Variants in SEMA6A observed in about 807,000 individuals in gnomAD.
SEMA6A encodes the protein semaphorin-6A.
Under a neutral mutation model 96.8 loss-of-function variants are expected in SEMA6A, and 25 were observed. The observed-to-expected ratio is 0.26, with a 90% CI of 0.19 to 0.36. The LOEUF (loss-of-function observed/expected upper bound fraction) is 0.36, where lower values mean the gene tolerates loss of function less well. SEMA6A is among the 10% of genes least tolerant of loss of function. The probability of loss-of-function intolerance (pLI) is 1.00; values close to 1 mark genes in which losing one functional copy is unlikely to be tolerated. For missense variants in SEMA6A, 1,363 were observed against 1,323.1 expected (o/e 1.03, Z -0.47); for synonymous variants, 612 against 518.0 (o/e 1.18, Z -2.46).
At chr5:116,498,925 C>T (rs986080249) in intron 3 of SEMA6A, 1 of 152,168 alleles carries the variant, frequency 6.6e-6, no homozygotes, top group Non-Finnish European at 1.5e-5. Context: ...AGAAAGCTCT[C>T]AGATTGCCCC....
At chr5:116,558,116 G>C (rs184844128) in intron 1 of SEMA6A, among the ~76,000 whole-genome samples, 57 of 152,210 alleles carry the variant, frequency 3.7e-4, no homozygotes, top group Admixed American at 3.5e-3. Context: ...TATTCAGTTT[G>C]TTAAAGCCCC....
At chr5:116,521,263 A>T (rs1301240446) in intron 1 of SEMA6A, among the ~76,000 whole-genome samples, 1 of 152,234 alleles carries the variant, frequency 6.6e-6, no homozygotes, top group Non-Finnish European at 1.5e-5. Flanking sequence ...ACTGTCAAGC[A>T]CTGGCTTGTT....
chr5:116,561,794 C>T (rs933832525), intron 1 of SEMA6A, among the ~76,000 whole-genome samples: 1 of 152,060 alleles, frequency 6.6e-6, no homozygotes, highest in Non-Finnish European at 1.5e-5. Flanking sequence ...TTTGACACAA[C>T]AAAATATGAA....
chr5:116,496,188 TG>T, intron 5 of SEMA6A, 62 bp downstream of exon 5: 1 of 1,339,778 alleles, frequency 7.5e-7, no homozygotes, highest in Non-Finnish European at 1.1e-6. Flanking sequence ...GGTCTATGGC[TG>T]GAGATAACAG....
chr5:116,480,817 T>G (rs2278261), intron 11 of SEMA6A, among the ~76,000 whole-genome samples: 23,906 of 152,212 alleles, frequency 0.16, 2,010 homozygotes, highest in East Asian at 0.23. Context: ...GTTGTTTTTA[T>G]TTTTGTTTGA....
At chr5:116,455,142 A>G (rs1754928297) in intron 18 of SEMA6A, among the ~76,000 whole-genome samples, 1 of 152,248 alleles carries the variant, frequency 6.6e-6, no homozygotes. Context: ...TTTTTTAGAG[A>G]AGAAACAGCT....
chr5:116,467,475 T>C (rs1755831533), intron 18 of SEMA6A, 108 bp downstream of exon 18: 19 of 1,085,280 alleles, frequency 1.8e-5, no homozygotes, highest in Non-Finnish European at 2.3e-5. Context: ...TCATAGCGCA[T>C]TGGAGGTTCC....
At chr5:116,522,488 T>G (rs1759003999) in intron 1 of SEMA6A, among the ~76,000 whole-genome samples, 1 of 152,180 alleles carries the variant, frequency 6.6e-6, no homozygotes, top group Admixed American at 6.5e-5. Flanking sequence ...ATAATTCTAG[T>G]CGATCTGTGA....
intron 2 of SEMA6A, among the ~76,000 whole-genome samples, chr5:116,503,804 C>G (rs1391295578): frequency 6.6e-6 from 1 of 152,084 alleles, no homozygotes; most frequent in Non-Finnish European, 1.5e-5. Flanking sequence ...CGTAAGCCAC[C>G]GCGCCCTGCC....
intron 1 of SEMA6A, among the ~76,000 whole-genome samples, chr5:116,563,605 A>G (rs1467501844): frequency 6.6e-6 from 1 of 152,196 alleles, no homozygotes; most frequent in African/African-American, 2.4e-5. Context: ...ATCTACACAA[A>G]AAGTACTTTT....
chr5:116,488,119 T>C lies in SEMA6A; in HGVS notation c.733A>G (p.Thr245Ala). The C allele has an allele frequency of 6.2e-7, 1 of 1,606,666 alleles. No homozygotes were observed. ...GCATCCCCTCTTACCTTTCCCATGG[T>C]GTTATACTCCACTGCTATTTCCCTG... ...FFREIAVEYN[T>A]MGKVVFPRVA... The change falls in exon 9 of 19, where the codon ACC becomes GCC. Residue 245 changes from threonine to alanine, a missense_variant. Around this residue, in one of 2 missense-constraint regions of SEMA6A, gnomAD observed 480 missense variants for 559.5 expected, o/e 0.86. Transcript: ENST00000343348.
rs73781647 is a variant in SEMA6A, at chr5:116,522,413, A to G, written c.-38-17431T>C. Among the ~76,000 whole-genome samples, 1,110 of 152,320 alleles carry G rather than the reference A, an allele frequency of 7.3e-3. 13 individuals carry two copies. Among genetic ancestry groups the G allele is most frequent in the African/African-American group, 0.025 (1,036 of 41,578 alleles). On this transcript the variant is annotated intron_variant, in intron 1 of 18. Coordinates refer to ENST00000343348, the MANE Select transcript of SEMA6A (RefSeq NM_020796.5). ...CGTCTCTTCGCAGTATGGTCAGCCA[A>G]TAGAAATATTCTGGAATACAGGATG...
At chr5:116,533,688 G>T (rs1433718592) in intron 1 of SEMA6A, among the ~76,000 whole-genome samples, 2 of 152,168 alleles carry the variant, frequency 1.3e-5, no homozygotes, top group Non-Finnish European at 2.9e-5. Context: ...GCACCTCTCA[G>T]TATCCTGAGG....
intron 17 of SEMA6A, chr5:116,472,761 A>G: frequency 1.6e-6 from 1 of 640,760 alleles, no homozygotes; most frequent in South Asian, 2.6e-5. Context: ...AAATAATTTT[A>G]GTGAATTGGG....
intron 1 of SEMA6A, chr5:116,562,545 G>A (rs949686702): frequency 2.7e-5 from 15 of 564,976 alleles, no homozygotes; most frequent in Non-Finnish European, 5.1e-5. Context: ...TGTGGAGTCT[G>A]GAGACAACGT....
chr5:116,480,174 C>T lies in SEMA6A; in HGVS notation c.1198G>A (p.Glu400Lys). 2 of 1,613,862 alleles carry T rather than the reference C, an allele frequency of 1.2e-6. No homozygotes were observed. Among genetic ancestry groups the T allele is most frequent in the Non-Finnish European group, 1.7e-6 (2 of 1,179,810 alleles). The change falls in exon 12 of 19, where the codon GAG (glutamate) becomes AAG (lysine). Residue 400 changes from glutamate to lysine, a missense_variant. Glu to Lys is a moderately conservative substitution (Grantham distance 56). Transcript: ENST00000343348. ...NFIKTHPLMD[E>K]AVPSIFNRPW... is the part of the protein sequence containing the mutation. Reference sequence around the variant, plus strand: ...CTGTTGAAGATGGAGGGCACTGCCTCATCCATGAGCGGGTGCGTCTTGATG... The same window carrying T: ...CTGTTGAAGATGGAGGGCACTGCCTTATCCATGAGCGGGTGCGTCTTGATG...
intron 11 of SEMA6A, among the ~76,000 whole-genome samples, chr5:116,481,595 G>C (rs564095166): frequency 6.6e-6 from 1 of 152,172 alleles, no homozygotes; most frequent in African/African-American, 2.4e-5. Context: ...AAAAAAATTA[G>C]TAAGACATTG....
At chr5:116,519,693 G>GCACA (rs1290299020) in intron 1 of SEMA6A, among the ~76,000 whole-genome samples, 1 of 123,072 alleles carries the variant, frequency 8.1e-6, no homozygotes, top group Non-Finnish European at 1.6e-5. Context: ...ACACACACAC[G>GCACA]CACACACATA....
chr5:116,518,812 G>C (rs1362329369), intron 1 of SEMA6A, among the ~76,000 whole-genome samples: 1 of 152,238 alleles, frequency 6.6e-6, no homozygotes, highest in Admixed American at 6.5e-5. Flanking sequence ...AGGATTTCAA[G>C]TTCTGAGCAA....
Sources: allele counts gnomAD v4.1 joint callset (sites outside exome capture counted in the v4.1 genomes callset), GRCh38; gene constraint gnomAD v4.1.1; regional missense constraint gnomAD v4.1.1; transcripts MANE v1.5; gene names NCBI Gene and HGNC (gene_info 2026-07-23, HGNC 2026-07-21).